SHC4: variants seen among roughly 807,000 people sequenced by gnomAD.
The protein encoded by SHC4 is SHC adaptor protein 4, also known as SHC-transforming protein 4.
A neutral mutation model predicts 69.4 loss-of-function variants in SHC4; 41 were observed. The ratio of observed to expected loss-of-function variants is 0.59; its 90% confidence interval spans 0.46 to 0.77. The LOEUF (loss-of-function observed/expected upper bound fraction) is 0.77, where lower values mean the gene tolerates loss of function less well. SHC4 is among the 30% of genes least tolerant of loss of function. SHC4 has a pLI of 0.00. For missense variants in SHC4, 777 were observed against 783.8 expected (o/e 0.99, Z 0.10); for synonymous variants, 318 against 299.3 (o/e 1.06, Z -0.64).
At chr15:48,857,551 T>G in intron 7 of SHC4, 141 bp downstream of exon 7, 1 of 693,766 alleles carries the variant, frequency 1.4e-6, no homozygotes, top group Non-Finnish European at 2.1e-6. Flanking sequence ...CTGTGTCTAT[T>G]TGCAAGAAAA....
At chr15:48,861,615 G>C (rs1200753093) in intron 6 of SHC4, among the ~76,000 whole-genome samples, 5 of 152,166 alleles carry the variant, frequency 3.3e-5, no homozygotes, top group African/African-American at 1.2e-4. Context: ...TATATAAAAA[G>C]AGCCAAGTCA....
intron 5 of SHC4, 65 bp downstream of exon 5, chr15:48,872,024 T>C: frequency 1.0e-6 from 1 of 994,872 alleles, no homozygotes. Context: ...TTTATTATCA[T>C]CCAGCCCCAA....
chr15:48,891,703 C>T (rs1900140474), intron 2 of SHC4, among the ~76,000 whole-genome samples: 1 of 152,190 alleles, frequency 6.6e-6, no homozygotes, highest in Non-Finnish European at 1.5e-5. Context: ...TATTCTCTCA[C>T]ACACACACCA....
chr15:48,913,569 G>A (rs1208976778), intron 2 of SHC4, among the ~76,000 whole-genome samples: 14 of 152,158 alleles, frequency 9.2e-5, no homozygotes, highest in Non-Finnish European at 4.4e-5. Context: ...TTCCCTACAT[G>A]TGGAGTCTGA....
Position 48,962,460 on chromosome 15 carries a change from A to T in SHC4, c.556T>A (p.Leu186Met). Residue 186 changes from leucine to methionine, a missense_variant, in exon 1 of 12, where the codon TTG (leucine) becomes ATG (methionine). Transcript: ENST00000332408. The part of the protein sequence containing the change: ...RQDRHFLQHL[L>M]GMGMNYCVRY... ...ACACAGTAGTTCATGCCCATCCCCA[A>T]CAGGTGCTGTAGAAAGTGCCTGTCC... 6.6e-7 allele frequency: 1 copy of T among 1,525,208 alleles called. No homozygotes were observed. Among genetic ancestry groups the T allele is most frequent in the Non-Finnish European group, 8.8e-7 (1 of 1,138,094 alleles). 94.5% of individuals were successfully genotyped at this position (1,525,208 alleles called of 1,614,324 possible).
At position 48,874,072 on chromosome 15, in the gene SHC4, C is replaced by T. The variant is rs371901127; in HGVS notation, c.841-1930G>A. The stretch of plus-strand genomic sequence containing the variant: ...AAAAGAACAAATGCATAAGAATTCC[C>T]TTATAAGATAATAAGAAATATTATA... On this transcript the variant is annotated intron_variant, in intron 4 of 11. Coordinates refer to ENST00000332408, the MANE Select transcript of SHC4 (RefSeq NM_203349.4). 3.3e-5 allele frequency among the ~76,000 whole-genome samples: 5 copies of T among 152,064 alleles called. No homozygotes were observed. The East Asian group carries it at 5.8e-4, about 18-fold the overall frequency.
chr15:48,946,426 A>G, intron 1 of SHC4: 1 of 320,930 alleles, frequency 3.1e-6, no homozygotes, highest in Non-Finnish European at 4.5e-6. Context: ...GGGGCCTCCC[A>G]CAGCAATGCC....
intron 1 of SHC4, among the ~76,000 whole-genome samples, chr15:48,937,374 T>C (rs1901090764): frequency 1.3e-5 from 2 of 152,126 alleles, no homozygotes; most frequent in Admixed American, 6.5e-5. Flanking sequence ...TGATGCCTTT[T>C]TACAGATGGA....
At chr15:48,855,791 A>G (rs562201788) in intron 8 of SHC4, among the ~76,000 whole-genome samples, 162 bp downstream of exon 8, 9 of 152,098 alleles carry the variant, frequency 5.9e-5, no homozygotes, top group South Asian at 2.1e-4. Flanking sequence ...TAGGAGTAAA[A>G]ATGATCTAGT....
chr15:48,850,567 T>C (rs958505943), intron 9 of SHC4, among the ~76,000 whole-genome samples: 3 of 152,188 alleles, frequency 2.0e-5, no homozygotes, highest in Non-Finnish European at 2.9e-5. Flanking sequence ...GAAATAAATA[T>C]GCTCAACAAC....
rs567403665 is a variant in SHC4, at chr15:48,858,213, C to T, written c.947-398G>A. On this transcript the variant is annotated intron_variant, in intron 6 of 11. Transcript: ENST00000332408. ...AGGTTTCATATTTGTCATCTTTGCA[C>T]GGTATGTTATGGAAGATTGAAAAAA... Among the ~76,000 whole-genome samples the T allele has an allele frequency of 7.2e-5, 11 of 152,220 alleles. No individual in the cohort carries two copies. The East Asian group carries it at 7.7e-4, about 11-fold the overall frequency.
chr15:48,826,032 A>ACTT lies in SHC4; in HGVS notation c.1829_1831dup (p.Glu610dup), dbSNP rs1399384211. 1 of 1,614,064 alleles carries ACTT rather than the reference A, an allele frequency of 6.2e-7. No homozygotes were observed. Among genetic ancestry groups the ACTT allele is most frequent in the South Asian group, 1.1e-5 (1 of 91,082 alleles). On this transcript the variant is annotated inframe_insertion, in exon 12 of 12. Coordinates refer to ENST00000332408, the MANE Select transcript of SHC4 (RefSeq NM_203349.4). Reference sequence around the variant, plus strand: ...TTTTCTCACTGGTTGTTTAAGGCTTACTTCGCTTCCAGAGGAGATGATTGG... The same window carrying ACTT: ...TTTTCTCACTGGTTGTTTAAGGCTTACTTCTTCGCTTCCAGAGGAGATGATTGG...
chr15:48,836,257 G>C (rs919480641), intron 10 of SHC4, among the ~76,000 whole-genome samples: 1 of 151,784 alleles, frequency 6.6e-6, no homozygotes, highest in East Asian at 1.9e-4. Context: ...TCTGAAATTC[G>C]AAACAAGGTC....
chr15:48,870,759 T>C (rs558167225), intron 5 of SHC4, among the ~76,000 whole-genome samples: 2 of 152,288 alleles, frequency 1.3e-5, no homozygotes, highest in East Asian at 3.9e-4. Context: ...AAGTAATTAT[T>C]GAAGTGTTTT....
chr15:48,857,845 A>C lies in SHC4; in HGVS notation c.947-30T>G, dbSNP rs756691419. 3.4e-6 allele frequency: 5 copies of C among 1,460,396 alleles called. No individual in the cohort carries two copies. The East Asian group carries it at 1.2e-4, about 36-fold the overall frequency. The allele number at this position is 1,460,396 out of a possible 1,614,324, so 90.5% of individuals were successfully genotyped here. A position where few individuals can be genotyped will look rare whatever the true frequency, so the allele number is the denominator to read the frequency against. On this transcript the variant is annotated intron_variant, in intron 6 of 11. Coordinates refer to ENST00000332408, the MANE Select transcript of SHC4 (RefSeq NM_203349.4). ...AAGAGGACATACAAAAAATAATATT[A>C]TAATAAATTTTTAGAAAGAGAAGAT... is the stretch of plus-strand genomic sequence containing the variant.
intron 2 of SHC4, among the ~76,000 whole-genome samples, chr15:48,907,313 C>A (rs1900422395): frequency 1.3e-5 from 2 of 151,644 alleles, no homozygotes; most frequent in African/African-American, 4.9e-5. Context: ...CAACCGCTGC[C>A]TCCTGGGTTC....
At chr15:48,914,793 A>G (rs1478194620) in intron 2 of SHC4, among the ~76,000 whole-genome samples, 2 of 152,232 alleles carry the variant, frequency 1.3e-5, no homozygotes, top group Non-Finnish European at 2.9e-5. Context: ...ATTTTTAAGC[A>G]TACAGCTCAG....
intron 4 of SHC4, among the ~76,000 whole-genome samples, chr15:48,882,537 AAG>A (rs1425365484): frequency 6.6e-6 from 1 of 152,186 alleles, no homozygotes; most frequent in East Asian, 1.9e-4. Flanking sequence ...CTGAAGGGGA[AAG>A]AGAGGCTGAG....
At chr15:48,900,071 G>T (rs1271305736) in intron 2 of SHC4, among the ~76,000 whole-genome samples, 1 of 152,224 alleles carries the variant, frequency 6.6e-6, no homozygotes, top group Non-Finnish European at 1.5e-5. Context: ...CTAGGCTAGG[G>T]AAGGTTACAC....
Sources: allele counts gnomAD v4.1 joint callset (sites outside exome capture counted in the v4.1 genomes callset), GRCh38; gene constraint gnomAD v4.1.1; transcripts MANE v1.5; gene names NCBI Gene and HGNC (gene_info 2026-07-23, HGNC 2026-07-21).